Variants in LASP1 observed in about 807,000 individuals in gnomAD.
The protein encoded by LASP1 is LIM and SH3 domain protein 1.
A neutral mutation model predicts 38.6 loss-of-function variants in LASP1; 10 were observed. That is an observed-to-expected ratio of 0.26 (90% CI 0.16 to 0.44). The LOEUF (loss-of-function observed/expected upper bound fraction) is 0.44. Ranked by LOEUF, LASP1 falls within the 20% of genes least tolerant of loss-of-function variation. The probability of loss-of-function intolerance (pLI) is 1.00; values close to 1 mark genes in which losing one functional copy is unlikely to be tolerated. For synonymous variants in LASP1, 132 were observed against 140.8 expected, an observed-to-expected ratio of 0.94 and a Z score of 0.44; for missense variants, 243 against 375.7, an observed-to-expected ratio of 0.65 and a Z score of 2.92.
intron 3 of LASP1, among the ~76,000 whole-genome samples, chr17:38,897,338 G>C (rs1293685666): frequency 6.6e-6 from 1 of 152,250 alleles, no homozygotes; most frequent in Admixed American, 6.5e-5. Context: ...GCTGCTGCCA[G>C]ATGATTCCCT....
chr17:38,875,457 G>A (rs1913743080), intron 1 of LASP1, among the ~76,000 whole-genome samples: 1 of 152,154 alleles, frequency 6.6e-6, no homozygotes, highest in South Asian at 2.1e-4. Flanking sequence ...GAGTCTTTAA[G>A]TTGCCTCATA....
rs1915196387 is a variant in LASP1 at position 38,918,425 on chromosome 17, G to A, written c.613-180G>A. On this transcript the variant is annotated intron_variant, in intron 6 of 6. Coordinates refer to ENST00000318008, the MANE Select transcript of LASP1 (RefSeq NM_006148.4). This position sits in a 1 kb window ranked among gnomAD's most constrained non-coding sequence, Gnocchi z 4.4. ...TAGCTGCCAAAGGTTGTAAAAGATC[G>A]ATTGCTCTCAGAAAGCAAGACACAG... 6.6e-6 allele frequency among the ~76,000 whole-genome samples: 1 copy of A among 152,172 alleles called. No homozygotes were observed. The highest frequency in any genetic ancestry group is 1.5e-5 in the Non-Finnish European group (1 of 68,028).
chr17:38,899,723 T>A (rs1230715875), intron 4 of LASP1, among the ~76,000 whole-genome samples: 1 of 150,862 alleles, frequency 6.6e-6, no homozygotes, highest in Non-Finnish European at 1.5e-5. Flanking sequence ...GAATGAGTAC[T>A]TCCTACTTAG....
At position 38,915,038 on chromosome 17, in the gene LASP1, T is replaced by A; in HGVS notation, c.509-5T>A. 2 of 1,613,658 alleles carry A rather than the reference T, an allele frequency of 1.2e-6. No individual in the cohort carries two copies. The highest frequency in any genetic ancestry group is 1.7e-6 in the Non-Finnish European group (2 of 1,179,812). ...TTCCAAGCCCTGTCTCCTCCCATCTTCCAGTTTACCAGCAGCCCCAGCAGC... is the reference window on the plus strand; with the variant it reads ...TTCCAAGCCCTGTCTCCTCCCATCTACCAGTTTACCAGCAGCCCCAGCAGC... On this transcript the variant is annotated splice_region_variant and splice_polypyrimidine_tract_variant and intron_variant, in intron 5 of 6. Transcript: ENST00000318008.
intron 4 of LASP1, among the ~76,000 whole-genome samples, chr17:38,907,424 C>T (rs1167863469): frequency 6.6e-6 from 1 of 152,180 alleles, no homozygotes; most frequent in East Asian, 1.9e-4. Context: ...CACACCTGTT[C>T]TCAGGAAAGG....
chr17:38,890,790 C>T (rs1914293766), intron 3 of LASP1, among the ~76,000 whole-genome samples: 1 of 152,184 alleles, frequency 6.6e-6, no homozygotes, highest in South Asian at 2.1e-4. Flanking sequence ...GCCACTCTCC[C>T]CTCCCTCTTC....
intron 4 of LASP1, among the ~76,000 whole-genome samples, chr17:38,912,235 T>C (rs968958859): frequency 1.2e-4 from 18 of 152,366 alleles, no homozygotes; most frequent in African/African-American, 4.3e-4. Context: ...AGGGGCCGGT[T>C]CTGGGCTGGC....
intron 4 of LASP1, among the ~76,000 whole-genome samples, chr17:38,900,197 C>CAAAAAAAAAA (rs56008544): frequency 3.0e-4 from 20 of 67,566 alleles, no homozygotes; most frequent in South Asian, 5.9e-4. Flanking sequence ...ACTGTTTCTA[C>CAAAAAAAAAA]AAAAAAAAAA....
intron 2 of LASP1, among the ~76,000 whole-genome samples, chr17:38,885,199 G>T (rs1165908199): frequency 6.6e-6 from 1 of 152,200 alleles, no homozygotes; most frequent in Non-Finnish European, 1.5e-5. Context: ...TGTCTGGGCA[G>T]CTGTGGTGTA....
intron 1 of LASP1, among the ~76,000 whole-genome samples, chr17:38,873,128 G>T (rs7220787): frequency 0.059 from 8,949 of 152,148 alleles, 864 homozygotes; most frequent in African/African-American, 0.2. Context: ...TGCTTCCCCA[G>T]GTTTCTGAAA....
At chr17:38,903,216 C>T (rs529373726) in intron 4 of LASP1, among the ~76,000 whole-genome samples, 2 of 152,188 alleles carry the variant, frequency 1.3e-5, no homozygotes, top group South Asian at 2.1e-4. Context: ...TGGTAAGGGC[C>T]CAGATCCTAG....
chr17:38,876,606 C>T (rs904885942), intron 1 of LASP1, among the ~76,000 whole-genome samples: 12 of 152,034 alleles, frequency 7.9e-5, no homozygotes, highest in Non-Finnish European at 1.3e-4. Flanking sequence ...TCCAGTAATC[C>T]GCCTGCCACA....
rs1212777006 is a variant in LASP1 at position 38,920,321 on chromosome 17, G to A, written c.*1543G>A. 1.3e-5 allele frequency: 5 copies of A among 385,842 alleles called. No individual in the cohort carries two copies. In the Admixed American group the frequency reaches 1.8e-4, roughly 14 times the overall value. 23.9% of individuals were successfully genotyped at this position (385,842 alleles called of 1,614,324 possible). On this transcript the variant is annotated 3_prime_UTR_variant, in exon 7 of 7. Coordinates refer to ENST00000318008, the MANE Select transcript of LASP1 (RefSeq NM_006148.4). ...TAGACCTCCCCCTCACTTACATAAA[G>A]CTCCCTTGAAGCAAGAAAGAGGGTC...
At chr17:38,875,434 T>G (rs919731572) in intron 1 of LASP1, among the ~76,000 whole-genome samples, 4 of 151,884 alleles carry the variant, frequency 2.6e-5, no homozygotes, top group African/African-American at 9.7e-5. Context: ...TCTATTGGGT[T>G]ATGCACCAGA....
intron 3 of LASP1, among the ~76,000 whole-genome samples, chr17:38,893,738 G>C (rs936621499): frequency 1.3e-5 from 2 of 152,186 alleles, no homozygotes; most frequent in Non-Finnish European, 2.9e-5. Flanking sequence ...TGGGGGCTGG[G>C]CCTGATGCTT....
intron 4 of LASP1, among the ~76,000 whole-genome samples, chr17:38,902,186 G>C (rs1914659400): frequency 6.6e-6 from 1 of 151,924 alleles, no homozygotes; most frequent in Non-Finnish European, 1.5e-5. Flanking sequence ...CTCAGACTCC[G>C]AGTAGCTGGG....
intron 4 of LASP1, among the ~76,000 whole-genome samples, chr17:38,913,562 G>A (rs1915017089): frequency 6.6e-6 from 1 of 152,168 alleles, no homozygotes; most frequent in African/African-American, 2.4e-5. Context: ...TACCCCTCAG[G>A]GGCGCTGACG....
At chr17:38,878,922 A>G (rs1472196857) in intron 2 of LASP1, among the ~76,000 whole-genome samples, 1 of 152,036 alleles carries the variant, frequency 6.6e-6, no homozygotes, top group African/African-American at 2.4e-5. Context: ...GGGAGTATAG[A>G]GGTGGGGTCC....
chr17:38,902,882 T>A (rs1408259466), intron 4 of LASP1, among the ~76,000 whole-genome samples: 1 of 152,112 alleles, frequency 6.6e-6, no homozygotes, highest in African/African-American at 2.4e-5. Flanking sequence ...TTTGTATTTT[T>A]AGTAGACACA....
Sources: gnomAD v4.1 joint callset for allele counts (sites outside exome capture counted in the v4.1 genomes callset) on GRCh38, gnomAD v4.1.1 for gene constraint, Gnocchi (gnomAD v3.1) non-coding constraint, MANE v1.5 for transcripts, NCBI Gene and HGNC (gene_info 2026-07-23, HGNC 2026-07-21) for gene names.